The following SEMA3A variants were observed in gnomAD, a reference collection of about 807,000 sequenced individuals.
The protein encoded by SEMA3A is semaphorin-3A.
SEMA3A carries 29 observed loss-of-function variants against 97.9 expected under a neutral mutation model. The observed-to-expected ratio is 0.30, with a 90% CI of 0.22 to 0.40. The LOEUF (loss-of-function observed/expected upper bound fraction) is 0.40, where lower values mean the gene tolerates loss of function less well. Among genes scored for constraint, SEMA3A ranks in the 10% least tolerant of loss-of-function variants. The pLI, the probability that SEMA3A is intolerant of heterozygous loss-of-function variation, is 1.00. For missense variants in SEMA3A, 763 were observed against 951.3 expected (o/e 0.80, Z 2.60); for synonymous variants, 321 against 323.7 (o/e 0.99, Z 0.09).
intron 3 of SEMA3A, among the ~76,000 whole-genome samples, chr7:84,112,579 T>C (rs897684012): frequency 1.3e-5 from 2 of 152,208 alleles, no homozygotes; most frequent in Admixed American, 6.6e-5. Context: ...CAAAGGTTCA[T>C]GTCACCTCTG....
chr7:84,284,016 A>ATTTTATTTGT (rs1800520634), intron 3 of SEMA3A, among the ~76,000 whole-genome samples: 1 of 152,154 alleles, frequency 6.6e-6, no homozygotes, highest in African/African-American at 2.4e-5. Context: ...AGAGGCAATA[A>ATTTTATTTGT]ATGCTAAGTC....
chr7:84,427,706 T>A (rs1242427640), intron 1 of SEMA3A, among the ~76,000 whole-genome samples: 1 of 151,486 alleles, frequency 6.6e-6, no homozygotes, highest in Non-Finnish European at 1.5e-5. Flanking sequence ...ATAGTTTTTT[T>A]ATGTATTACC....
At chr7:84,309,443 T>C (rs1250154160) in intron 2 of SEMA3A, among the ~76,000 whole-genome samples, 2 of 152,092 alleles carry the variant, frequency 1.3e-5, no homozygotes, top group African/African-American at 2.4e-5. Context: ...AGAGAGATGG[T>C]TGTAAAGTCA....
chr7:84,385,011 A>G (rs1294301754), intron 1 of SEMA3A, among the ~76,000 whole-genome samples: 1 of 151,916 alleles, frequency 6.6e-6, no homozygotes, highest in Admixed American at 6.6e-5. Flanking sequence ...AGATGTCACT[A>G]CTTTTGATTA....
At chr7:84,425,453 GCATATAAATATATA>G (rs1804786609) in intron 1 of SEMA3A, among the ~76,000 whole-genome samples, 6 of 132,786 alleles carry the variant, frequency 4.5e-5, no homozygotes, top group Admixed American at 2.4e-4. Context: ...ATATTTATAT[GCATATAAATATATA>G]CATATATTTA....
At chr7:84,158,148 CTTTTTTTT>C (rs1187182577) in intron 1 of SEMA3A, among the ~76,000 whole-genome samples, 2 of 82,288 alleles carry the variant, frequency 2.4e-5, no homozygotes, top group African/African-American at 4.5e-5. Context: ...ACAGCTAATT[CTTTTTTTT>C]TTTTTTTTTT....
At chr7:83,970,476 C>T (rs181225645) in intron 15 of SEMA3A, among the ~76,000 whole-genome samples, 1 of 152,262 alleles carries the variant, frequency 6.6e-6, no homozygotes, top group East Asian at 1.9e-4. Flanking sequence ...TCCATTTTAA[C>T]CCCATAAATG....
At chr7:84,194,390 A>G (rs1798148390) in intron 1 of SEMA3A, 85 bp downstream of exon 1, 2 of 833,954 alleles carry the variant, frequency 2.4e-6, no homozygotes, top group Non-Finnish European at 4.0e-6. Context: ...AGGTTTGATG[A>G]TTTGGGGTTG....
At chr7:84,467,525 T>TAA (rs56021863) in intron 1 of SEMA3A, among the ~76,000 whole-genome samples, 56 of 97,422 alleles carry the variant, frequency 5.7e-4, no homozygotes, top group African/African-American at 2.1e-3. Flanking sequence ...AGACTCCTTC[T>TAA]AAAAAAAAAA....
chr7:83,989,782 G>T (rs1789819569), intron 12 of SEMA3A, among the ~76,000 whole-genome samples: 1 of 149,102 alleles, frequency 6.7e-6, no homozygotes, highest in Non-Finnish European at 1.5e-5. Context: ...AAACATACGT[G>T]TGCATGTGTC....
chr7:84,014,662 G>A lies in SEMA3A; in HGVS notation c.668-311C>T, dbSNP rs13232278. Among the ~76,000 whole-genome samples the A allele has an allele frequency of 0.25, 38,706 of 151,974 alleles. 5,148 individuals are homozygous for A. The highest frequency in any genetic ancestry group is 0.32 in the African/African-American group (13,177 of 41,430). On this transcript the variant is annotated intron_variant, in intron 6 of 16. Transcript: ENST00000265362. ...TATTAAAATATTTTGCAAACTATAA[G>A]TACTATCAAATATTACTTATTGCTG...
chr7:84,093,582 A>T (rs2115862272), intron 4 of SEMA3A, among the ~76,000 whole-genome samples: 1 of 152,316 alleles, frequency 6.6e-6, no homozygotes, highest in East Asian at 1.9e-4. Context: ...CATACAATGT[A>T]GTATATATAT....
At chr7:83,982,069 C>T (rs1046493724) in intron 13 of SEMA3A, among the ~76,000 whole-genome samples, 1 of 152,080 alleles carries the variant, frequency 6.6e-6, no homozygotes, top group African/African-American at 2.4e-5. Flanking sequence ...CCCTTCAAAA[C>T]GTCTTTGAAA....
At chr7:84,287,359 T>C (rs1048858194) in intron 3 of SEMA3A, among the ~76,000 whole-genome samples, 2 of 152,080 alleles carry the variant, frequency 1.3e-5, no homozygotes, top group African/African-American at 4.8e-5. Flanking sequence ...TTCCTTACTC[T>C]TAAGGCAATT....
intron 4 of SEMA3A, among the ~76,000 whole-genome samples, chr7:84,095,358 C>CACAT (rs1211794166): frequency 0.015 from 1,840 of 122,840 alleles, 59 homozygotes; most frequent in Non-Finnish European, 0.017. Context: ...TTTTTATATA[C>CACAT]ATATATATAT....
In SEMA3A at chr7:84,407,914, C is replaced by A. The variant is rs1042695597; in HGVS notation, c.-245-36014G>T. On this transcript the variant is annotated intron_variant, in intron 1 of 3. Transcript: ENST00000424555. ...TAATTCGAGATGGATTAAAGACTTA[C>A]ATGTTAGACCTAAAACCATAAAAAC... Among the ~76,000 whole-genome samples the A allele has an allele frequency of 8.9e-4, 135 of 152,194 alleles. 1 individual carries two copies. The highest frequency in any genetic ancestry group is 3.4e-3 in the Middle Eastern group (1 of 294).
At chr7:84,080,361 G>C (rs10274042) in intron 4 of SEMA3A, among the ~76,000 whole-genome samples, 63,048 of 150,926 alleles carry the variant, frequency 0.42, 15,407 homozygotes, top group African/African-American at 0.69. Context: ...ATAATAACAA[G>C]AAAAAAAGAG....
At position 84,430,789 on chromosome 7, in the gene SEMA3A, T is replaced by TTGTGTGTG. The variant is rs56814153; in HGVS notation, c.-245-58897_-245-58890dup. ...CTTCTATACCTACACAACATAAAAT[T>TTGTGTGTG]TGTGTGTGTGTGTGTGTGTGTGTGT... On this transcript the variant is annotated intron_variant, in intron 1 of 3. Coordinates refer to the SEMA3A transcript ENST00000424555. 7.5e-3 allele frequency among the ~76,000 whole-genome samples: 1,074 copies of TTGTGTGTG among 143,420 alleles called. 37 individuals carry two copies. The East Asian group carries it at 0.13, about 17-fold the overall frequency. The allele number at this position is 143,420 out of a possible 152,430, so 94.1% of individuals were successfully genotyped here.
chr7:84,377,309 G>A (rs1803127834), intron 1 of SEMA3A, among the ~76,000 whole-genome samples: 3 of 152,188 alleles, frequency 2.0e-5, no homozygotes, highest in East Asian at 3.9e-4. Flanking sequence ...TAGTGCCTTT[G>A]TTGATAATAG....
Sources: allele counts gnomAD v4.1 joint callset (sites outside exome capture counted in the v4.1 genomes callset), GRCh38; gene constraint gnomAD v4.1.1; transcripts MANE v1.5; gene names NCBI Gene and HGNC (gene_info 2026-07-23, HGNC 2026-07-21).